DYNLRB1: variants seen among roughly 807,000 people sequenced by gnomAD.
The protein encoded by DYNLRB1 is dynein light chain roadblock-type 1.
Under a neutral mutation model 13.5 loss-of-function variants are expected in DYNLRB1, and 6 were observed. The ratio of observed to expected loss-of-function variants is 0.44; its 90% CI spans 0.24 to 0.88. The LOEUF is 0.88. DYNLRB1 is among the 40% of genes least tolerant of loss of function. The probability of loss-of-function intolerance (pLI) is 0.21; values close to 1 mark genes in which losing one functional copy is unlikely to be tolerated. For synonymous variants in DYNLRB1, 43 were observed against 45.0 expected, an observed-to-expected ratio of 0.96 and a Z score of 0.18; for missense variants, 93 against 127.2, an observed-to-expected ratio of 0.73 and a Z score of 1.29.
intron 1 of DYNLRB1, among the ~76,000 whole-genome samples, chr20:34,517,504 ATAGT>A (rs1474581721): frequency 6.6e-6 from 1 of 152,136 alleles, no homozygotes; most frequent in African/African-American, 2.4e-5. Context: ...TTGATATATA[ATAGT>A]TGTACACATT....
intron 1 of DYNLRB1, among the ~76,000 whole-genome samples, chr20:34,517,919 G>C (rs2146609972): frequency 6.6e-6 from 1 of 152,178 alleles, no homozygotes; most frequent in Non-Finnish European, 1.5e-5. Context: ...TTACAGGCGT[G>C]AGCCACCACG....
At chr20:34,522,463 C>CTTTTACTTT (rs1568598377) in intron 1 of DYNLRB1, among the ~76,000 whole-genome samples, 3 of 101,270 alleles carry the variant, frequency 3.0e-5, no homozygotes, top group African/African-American at 1.1e-4. Context: ...TTTCTTTTTT[C>CTTTTACTTT]TTTTTCTTTT....
intron 3 of DYNLRB1, among the ~76,000 whole-genome samples, chr20:34,540,200 GT>G (rs1021017133): frequency 1.4e-4 from 22 of 152,246 alleles, no homozygotes; most frequent in African/African-American, 5.1e-4. Context: ...CCTCCAGGTG[GT>G]TGGGATGCCT....
At position 34,535,118 on chromosome 20, in the gene DYNLRB1, G is replaced by A. The variant is rs77484676; in HGVS notation, c.247+323G>A. 804 of 984,984 alleles carry A rather than the reference G, an allele frequency of 8.2e-4. 5 individuals carry two copies. The African/African-American group carries it at 0.013, about 16-fold the overall frequency. The allele number at this position is 984,984 out of a possible 1,614,324, so 61.0% of individuals were successfully genotyped here. ...GGAGGGTGTGGCCAGGCCTGTCTGG[G>A]GCTGTCTGCAAAAGCTTCCCAGAAG... On this transcript the variant is annotated intron_variant, in intron 3 of 3. Coordinates refer to ENST00000357156, the MANE Select transcript of DYNLRB1 (RefSeq NM_014183.4).
chr20:34,535,880 G>T, intron 3 of DYNLRB1: 1 of 985,298 alleles, frequency 1.0e-6, no homozygotes. Flanking sequence ...GGCAGTGGGG[G>T]GTCTGGGGAC....
chr20:34,536,769 G>T (rs1359994470), intron 3 of DYNLRB1, among the ~76,000 whole-genome samples: 1 of 150,618 alleles, frequency 6.6e-6, no homozygotes, highest in Non-Finnish European at 1.5e-5. Context: ...AAAAAAAGTT[G>T]GGCCGGGAAC....
At chr20:34,516,628 G>C (rs1979215355) in intron 1 of DYNLRB1, 167 bp downstream of exon 1, 9 of 1,490,354 alleles carry the variant, frequency 6.0e-6, no homozygotes, top group Non-Finnish European at 7.1e-6. Context: ...CCCGGCGGCG[G>C]AGGCCTCTAA....
intron 1 of DYNLRB1, among the ~76,000 whole-genome samples, chr20:34,522,356 T>C (rs1346615038): frequency 6.6e-6 from 1 of 152,166 alleles, no homozygotes; most frequent in East Asian, 1.9e-4. Flanking sequence ...AAGCAATATA[T>C]GACCCATAGT....
chr20:34,537,101 TG>T (rs1408568670), intron 3 of DYNLRB1, among the ~76,000 whole-genome samples: 1 of 152,130 alleles, frequency 6.6e-6, no homozygotes, highest in Non-Finnish European at 1.5e-5. Context: ...GGGTTCTCCT[TG>T]GGGTTCACAG....
At chr20:34,534,505 C>A in intron 2 of DYNLRB1, 123 bp from the exon 3 acceptor site, 1 of 1,225,460 alleles carries the variant, frequency 8.2e-7, no homozygotes, top group Non-Finnish European at 1.1e-6. Flanking sequence ...ACATAGCAAG[C>A]CCTCTGCGGA....
intron 1 of DYNLRB1, chr20:34,517,017 C>G: frequency 8.2e-7 from 1 of 1,218,796 alleles, no homozygotes; most frequent in Non-Finnish European, 1.0e-6. Context: ...CGGCGTGGTT[C>G]TTTCTAGCCG....
At chr20:34,534,878 T>C (rs774007788) in intron 3 of DYNLRB1, 83 bp downstream of exon 3, 1 of 1,602,990 alleles carries the variant, frequency 6.2e-7, no homozygotes, top group Non-Finnish European at 8.5e-7. Flanking sequence ...GGCACAGTGG[T>C]GTCTCCAGAG....
chr20:34,533,830 T>C (rs1042592141), intron 2 of DYNLRB1, among the ~76,000 whole-genome samples: 1 of 136,206 alleles, frequency 7.3e-6, no homozygotes, highest in Non-Finnish European at 1.6e-5. Context: ...AAAAATAAAA[T>C]AAAATAAATA....
intron 2 of DYNLRB1, among the ~76,000 whole-genome samples, chr20:34,527,369 ATACTTATATCTAC>A (rs1208039694): frequency 2.0e-5 from 3 of 152,230 alleles, no homozygotes; most frequent in Non-Finnish European, 4.4e-5. Flanking sequence ...AATGGGGATA[ATACTTATATCTAC>A]CTTATAAGTT....
intron 1 of DYNLRB1, 95 bp downstream of exon 1, chr20:34,516,556 A>G (rs536417936): frequency 1.3e-6 from 2 of 1,578,176 alleles, no homozygotes; most frequent in Non-Finnish European, 1.7e-6. Context: ...AGAGCTCCGG[A>G]CAGGGAATCG....
chr20:34,525,330 T>G (rs1242374898), intron 1 of DYNLRB1, among the ~76,000 whole-genome samples: 1 of 152,134 alleles, frequency 6.6e-6, no homozygotes, highest in African/African-American at 2.4e-5. Flanking sequence ...CAGGAAGAAT[T>G]AAGTCTAGTT....
intron 3 of DYNLRB1, chr20:34,536,009 C>A (rs1168713881): frequency 2.3e-5 from 23 of 985,174 alleles, no homozygotes; most frequent in Non-Finnish European, 2.7e-5. Flanking sequence ...TGTCACCAGG[C>A]CTGGAAGGAT....
At position 34,534,576 on chromosome 20, in the gene DYNLRB1, C is replaced by T. The variant is rs1313458928; in HGVS notation, c.80-52C>T. On this transcript the variant is annotated intron_variant, in intron 2 of 3. Coordinates refer to ENST00000357156, the MANE Select transcript of DYNLRB1 (RefSeq NM_014183.4). ...CCCCAATTAGGGGTGTGGGTGGGAG[C>T]TCGGCAGAAGGGGCTCCACATCCTC... 5.3e-6 allele frequency: 8 copies of T among 1,517,382 alleles called. No individual in the cohort carries two copies. In the Admixed American group the frequency reaches 8.9e-5, roughly 17 times the overall value. 94.0% of individuals were successfully genotyped at this position (1,517,382 alleles called of 1,614,324 possible). A position where few individuals can be genotyped will look rare whatever the true frequency, so the allele number is the denominator to read the frequency against.
chr20:34,529,885 G>A lies in DYNLRB1; in HGVS notation c.79+3542G>A, dbSNP rs1171890427. ...GAGCCCTTGGGACACTGTGGAGACA[G>A]GAGCAGGCCCCCTGCTCAGGGCTGC... On this transcript the variant is annotated intron_variant, in intron 2 of 3. Transcript: ENST00000357156. 8.5e-6 allele frequency: 13 copies of A among 1,525,710 alleles called. No homozygotes were observed. In the East Asian group the frequency reaches 2.3e-4, roughly 27 times the overall value. The allele number at this position is 1,525,710 out of a possible 1,614,324, so 94.5% of individuals were successfully genotyped here.
Sources: allele counts gnomAD v4.1 joint callset (sites outside exome capture counted in the v4.1 genomes callset), GRCh38; gene constraint gnomAD v4.1.1; transcripts MANE v1.5; gene names NCBI Gene and HGNC (gene_info 2026-07-23, HGNC 2026-07-21).